GPR149: variants seen among roughly 807,000 people sequenced by gnomAD.
GPR149 encodes probable G protein-coupled receptor 149.
In GPR149, 50 loss-of-function variants were observed where a neutral mutation model predicts 50.2. That is an observed-to-expected ratio of 1.00 (90% CI 0.79 to 1.26). The LOEUF is 1.26. Among genes scored for constraint, GPR149 ranks in the 50% most tolerant of loss-of-function variants. GPR149 has a pLI of 0.00. For synonymous variants in GPR149, 405 were observed against 358.2 expected, an observed-to-expected ratio of 1.13 and a Z score of -1.48; for missense variants, 983 against 895.4, an observed-to-expected ratio of 1.10 and a Z score of -1.25.
At chr3:154,341,767 G>C (rs1003763855) in intron 3 of GPR149, among the ~76,000 whole-genome samples, 11 of 152,010 alleles carry the variant, frequency 7.2e-5, no homozygotes, top group African/African-American at 2.7e-4. Flanking sequence ...AGATAACCAA[G>C]AAAACTTGGA....
intron 3 of GPR149, among the ~76,000 whole-genome samples, chr3:154,380,893 A>T (rs1481997647): frequency 6.6e-6 from 1 of 152,182 alleles, no homozygotes; most frequent in African/African-American, 2.4e-5. Flanking sequence ...GCTGAAAGAA[A>T]ATTCCTATAG....
intron 3 of GPR149, among the ~76,000 whole-genome samples, chr3:154,408,663 CA>C (rs1055577984): frequency 6.6e-6 from 1 of 152,218 alleles, no homozygotes; most frequent in African/African-American, 2.4e-5. Context: ...CCATCCCCCA[CA>C]GCAGCTACAG....
At chr3:154,392,587 T>G (rs1024749709) in intron 3 of GPR149, among the ~76,000 whole-genome samples, 9 of 116,134 alleles carry the variant, frequency 7.7e-5, no homozygotes, top group African/African-American at 3.1e-4. Context: ...TAATAAAGAT[T>G]AGAACAAAAC....
intron 3 of GPR149, among the ~76,000 whole-genome samples, chr3:154,370,149 G>A (rs1238738819): frequency 1.3e-5 from 2 of 152,280 alleles, no homozygotes; most frequent in African/African-American, 4.8e-5. Flanking sequence ...CCCTAAGAAA[G>A]CACACCTCCC....
intron 3 of GPR149, among the ~76,000 whole-genome samples, chr3:154,368,973 T>C (rs905548386): frequency 1.3e-5 from 2 of 152,168 alleles, no homozygotes; most frequent in Non-Finnish European, 2.9e-5. Flanking sequence ...CATTTAGTGG[T>C]CAATGGGCGC....
chr3:154,398,403 CT>C (rs1422738589), intron 3 of GPR149, among the ~76,000 whole-genome samples: 1 of 152,098 alleles, frequency 6.6e-6, no homozygotes, highest in Non-Finnish European at 1.5e-5. Flanking sequence ...AAGAAAGTTG[CT>C]TTTAGTAAAT....
chr3:154,410,165 TCAGA>T, intron 3 of GPR149, among the ~76,000 whole-genome samples: 1 of 152,222 alleles, frequency 6.6e-6, no homozygotes. Flanking sequence ...ACAGTTTTTT[TCAGA>T]CAAACAAATG....
intron 3 of GPR149, among the ~76,000 whole-genome samples, chr3:154,344,854 T>C (rs77977602): frequency 6.6e-6 from 1 of 152,204 alleles, no homozygotes; most frequent in Non-Finnish European, 1.5e-5. Flanking sequence ...CAAATTTTTG[T>C]TGTTTTCAAC....
At chr3:154,355,987 G>C (rs1387689489) in intron 3 of GPR149, among the ~76,000 whole-genome samples, 1 of 152,154 alleles carries the variant, frequency 6.6e-6, no homozygotes, top group Admixed American at 6.5e-5. Context: ...GGGATACAAA[G>C]AGCATCAAAC....
chr3:154,380,376 T>C (rs1334201336), intron 3 of GPR149, among the ~76,000 whole-genome samples: 6 of 152,158 alleles, frequency 3.9e-5, no homozygotes, highest in African/African-American at 7.2e-5. Flanking sequence ...TTCTCTACTA[T>C]TTGAATTGAT....
In GPR149 at chr3:154,427,557, C is replaced by A. The variant is rs765019562; in HGVS notation, c.1133G>T (p.Cys378Phe). Residue 378 changes from cysteine (C) to phenylalanine (F), a missense_variant, in exon 2 of 4, where the codon TGC (cysteine) becomes TTC (phenylalanine). Cys to Phe is a radical substitution (Grantham distance 205). Coordinates refer to ENST00000389740, the MANE Select transcript of GPR149 (RefSeq NM_001038705.3). ...THLPCGCIIN[C>F]RQNAYAVASD... is the part of the protein sequence containing the mutation. ...CGCCACTGCATATGCGTTCTGCCTG[C>A]AGTTGATGATGCAGCCACAGGGCAA... The A allele has an allele frequency of 1.2e-5, 20 of 1,613,726 alleles. No individual in the cohort carries two copies. The highest frequency in any genetic ancestry group is 1.7e-5 in the Non-Finnish European group (20 of 1,179,918).
intron 3 of GPR149, among the ~76,000 whole-genome samples, chr3:154,392,691 TA>T (rs199675409): frequency 4.0e-5 from 6 of 149,320 alleles, no homozygotes; most frequent in East Asian, 2.0e-4. Flanking sequence ...ACTAGTAGAT[TA>T]AAAAAAAAGA....
intron 2 of GPR149, 37 bp downstream of exon 2, chr3:154,427,479 C>A: frequency 6.5e-7 from 1 of 1,548,222 alleles, no homozygotes; most frequent in Non-Finnish European, 8.7e-7. Context: ...TCACCTAATG[C>A]ATATTGCTGC....
At chr3:154,341,252 G>A (rs998765763) in intron 3 of GPR149, among the ~76,000 whole-genome samples, 16 of 134,482 alleles carry the variant, frequency 1.2e-4, no homozygotes, top group African/African-American at 4.5e-4. Flanking sequence ...ACATTGTTCT[G>A]GAGGTCCTAG....
intron 3 of GPR149, chr3:154,354,726 CT>C: frequency 1.6e-6 from 1 of 639,148 alleles, no homozygotes. Flanking sequence ...TTTGCCTGTC[CT>C]TCTTCTGGCT....
Position 154,429,212 on chromosome 3 carries a change from T to C in GPR149, c.404A>G (p.His135Arg). ...GGCTGTCTGGCTCCCCACACCTCTG[T>C]GCATCGTATAAAAGTTGTAAGAGAC... ...LLVSYNFYTM[H>R]RGVGSQTASR... The change falls in exon 1 of 4, where the codon CAC becomes CGC. Residue 135 changes from histidine (H) to arginine (R), a missense_variant. Physicochemically the swap from His to Arg is conservative, Grantham distance 29. Coordinates refer to ENST00000389740, the MANE Select transcript of GPR149 (RefSeq NM_001038705.3). The C allele has an allele frequency of 1.2e-6, 2 of 1,614,140 alleles. No individual in the cohort carries two copies. Among genetic ancestry groups the C allele is most frequent in the Non-Finnish European group, 1.7e-6 (2 of 1,180,032 alleles).
intron 3 of GPR149, chr3:154,352,750 G>T (rs955993279): frequency 1.3e-6 from 1 of 790,496 alleles, no homozygotes; most frequent in Non-Finnish European, 2.3e-6. Context: ...AAACCTGATG[G>T]TATCCATGCT....
At chr3:154,352,101 G>C (rs976856110) in intron 3 of GPR149, 2 of 643,124 alleles carry the variant, frequency 3.1e-6, no homozygotes, top group Admixed American at 5.9e-5. Flanking sequence ...GGCACAAATA[G>C]GCAAGTTCAC....
chr3:154,352,080 A>G, intron 3 of GPR149: 1 of 529,290 alleles, frequency 1.9e-6, no homozygotes. Context: ...GGTGGATAAT[A>G]TACATAATTA....
Sources: gnomAD v4.1 joint callset for allele counts (sites outside exome capture counted in the v4.1 genomes callset) on GRCh38, gnomAD v4.1.1 for gene constraint, MANE v1.5 for transcripts, NCBI Gene and HGNC (gene_info 2026-07-23, HGNC 2026-07-21) for gene names.